FNBP1: variants seen among roughly 807,000 people sequenced by gnomAD.
FNBP1 encodes formin binding protein 1.
Under a neutral mutation model 90.6 loss-of-function variants are expected in FNBP1, and 26 were observed. The ratio of observed to expected loss-of-function variants is 0.29; its 90% confidence interval spans 0.21 to 0.40. The LOEUF (loss-of-function observed/expected upper bound fraction) is 0.40, where lower values mean the gene tolerates loss of function less well. Among genes scored for constraint, FNBP1 ranks in the 10% least tolerant of loss-of-function variants. The pLI, the probability that FNBP1 is intolerant of heterozygous loss-of-function variation, is 1.00. For missense variants in FNBP1, 635 were observed against 768.0 expected, an observed-to-expected ratio of 0.83 and a Z score of 2.05; for synonymous variants, 260 against 265.2, an observed-to-expected ratio of 0.98 and a Z score of 0.19.
intron 12 of FNBP1, among the ~76,000 whole-genome samples, chr9:129,905,404 C>T (rs140712879): frequency 0.023 from 3,510 of 151,500 alleles, 43 homozygotes; most frequent in Non-Finnish European, 0.024. Flanking sequence ...CTCTGCCTCC[C>T]GGGTTCAAGC....
intron 1 of FNBP1, among the ~76,000 whole-genome samples, chr9:130,011,647 C>A (rs754952346): frequency 1.8e-4 from 28 of 152,116 alleles, no homozygotes; most frequent in Non-Finnish European, 2.8e-4. Flanking sequence ...CCTGCTGGCA[C>A]CTTGATCTTG....
At chr9:129,943,816 C>T (rs1050289104) in intron 6 of FNBP1, among the ~76,000 whole-genome samples, 1 of 151,626 alleles carries the variant, frequency 6.6e-6, no homozygotes, top group African/African-American at 2.4e-5. Context: ...GACGGTGAAA[C>T]CCTGTCTCTA....
chr9:129,970,448 C>T (rs1290689230), intron 4 of FNBP1, among the ~76,000 whole-genome samples: 1 of 152,162 alleles, frequency 6.6e-6, no homozygotes, highest in Non-Finnish European at 1.5e-5. Context: ...TCAAGCAATC[C>T]ACCCGCCTTG....
chr9:129,955,380 T>C (rs2046774500), intron 6 of FNBP1, among the ~76,000 whole-genome samples: 1 of 151,822 alleles, frequency 6.6e-6, no homozygotes, highest in Non-Finnish European at 1.5e-5. Context: ...ACCACAGACA[T>C]GGGCTACCAT....
intron 1 of FNBP1, among the ~76,000 whole-genome samples, chr9:130,003,785 T>A (rs1564549702): frequency 5.4e-5 from 8 of 147,084 alleles, no homozygotes; most frequent in Non-Finnish European, 3.0e-5. Flanking sequence ...TAGCTGGGCA[T>A]GGAGGCAGGT....
At position 129,890,600 on chromosome 9, in the gene FNBP1, G is replaced by C. The variant is rs963512015; in HGVS notation, c.1847-54C>G. On this transcript the variant is annotated intron_variant, in intron 16 of 16. Transcript: ENST00000446176. This position sits in a 1 kb window ranked among gnomAD's most constrained non-coding sequence, Gnocchi z 5.8. ...AACTCTCTGTTAGAGAGGAAGGCGC[G>C]GGTTCCAGGCGGGCATTTTGCTCTT... The C allele has an allele frequency of 3.3e-6, 5 of 1,531,234 alleles. No individual in the cohort carries two copies. Among genetic ancestry groups the C allele is most frequent in the Non-Finnish European group, 4.4e-6 (5 of 1,126,936 alleles). The allele number at this position is 1,531,234 out of a possible 1,614,324, so 94.9% of individuals were successfully genotyped here.
intron 13 of FNBP1, among the ~76,000 whole-genome samples, chr9:129,901,162 T>G (rs1471016295): frequency 6.6e-6 from 1 of 152,142 alleles, no homozygotes; most frequent in African/African-American, 2.4e-5. Context: ...TCCCAGCACT[T>G]TGGGAGGCCG....
In FNBP1 at chr9:129,947,984, T is replaced by TA. The variant is rs540379042; in HGVS notation, c.513+9375dup. Reference sequence around the variant, plus strand: ...AATTCTACTAGAATTCCCTTAAATTTAAAAAAAAAAAAAAAAGGAGGGGGG... The same window carrying TA: ...AATTCTACTAGAATTCCCTTAAATTTAAAAAAAAAAAAAAAAAGGAGGGGGG... On this transcript the variant is annotated intron_variant, in intron 6 of 16. Transcript: ENST00000446176. 7.3e-3 allele frequency among the ~76,000 whole-genome samples: 986 copies of TA among 135,024 alleles called. 8 individuals are homozygous for TA. The highest frequency in any genetic ancestry group is 0.022 in the African/African-American group (801 of 36,860). 88.6% of individuals were successfully genotyped at this position (135,024 alleles called of 152,430 possible). A position where few individuals can be genotyped will look rare whatever the true frequency, so the allele number is the denominator to read the frequency against.
At chr9:129,893,585 T>G (rs13295392) in intron 16 of FNBP1, among the ~76,000 whole-genome samples, 18,172 of 105,086 alleles carry the variant, frequency 0.17, 1,664 homozygotes, top group Middle Eastern at 0.36. Context: ...TGCCCTTGAG[T>G]CTAGGTGACA....
chr9:129,964,243 G>A (rs1323272852), intron 4 of FNBP1, among the ~76,000 whole-genome samples: 3 of 152,154 alleles, frequency 2.0e-5, no homozygotes, highest in African/African-American at 7.2e-5. Flanking sequence ...AAGCACTAAA[G>A]AAGGAGGAAT....
At position 129,889,981 on chromosome 9, in the gene FNBP1, G is replaced by T. The variant is rs578255877; in HGVS notation, c.*558C>A. 144 of 239,814 alleles carry T rather than the reference G, an allele frequency of 6.0e-4. No homozygotes were observed. Among genetic ancestry groups the T allele is most frequent in the African/African-American group, 2.7e-3 (123 of 45,520 alleles). 14.9% of individuals were successfully genotyped at this position (239,814 alleles called of 1,614,324 possible). A position where few individuals can be genotyped will look rare whatever the true frequency, so the allele number is the denominator to read the frequency against. Reference sequence around the variant, plus strand: ...TGAAAGGGTCAATGTTTAGTATGAGGTGCAAGCCTAGAATCCAAAAAGGAC... The same window carrying T: ...TGAAAGGGTCAATGTTTAGTATGAGTTGCAAGCCTAGAATCCAAAAAGGAC... On this transcript the variant is annotated 3_prime_UTR_variant, in exon 17 of 17. Coordinates refer to ENST00000446176, the MANE Select transcript of FNBP1 (RefSeq NM_015033.3).
chr9:129,923,855 G>A lies in FNBP1; in HGVS notation c.1159C>T (p.Leu387=). 1 of 1,596,370 alleles carries A rather than the reference G, an allele frequency of 6.3e-7. No individual in the cohort carries two copies. The highest frequency in any genetic ancestry group is 8.5e-7 in the Non-Finnish European group (1 of 1,172,466). ...GGAGCAGAACTTACCCCACGCTTTA[G>A]GCTCCTGAAGCAGTGGATTTTGGGT... ...SKPKIHCFRS[L]KRGLSLKLGA... Residue 387 remains leucine (L), a synonymous_variant, in exon 10 of 17, where the codon CTA becomes TTA. Transcript: ENST00000446176.
Position 129,964,199 on chromosome 9 carries a change from A to C in FNBP1, c.346-5646T>G, listed in dbSNP as rs540409941. On this transcript the variant is annotated intron_variant, in intron 4 of 16. Transcript: ENST00000446176. ...ATGGCCGAACATTTCTTTTCTGGAC[A>C]GTGAGCAAGTGTGTGTCTAAAAAGT... is the stretch of plus-strand genomic sequence containing the variant. Among the ~76,000 whole-genome samples the C allele has an allele frequency of 2.6e-5, 4 of 152,344 alleles. No homozygotes were observed. In the South Asian group the frequency reaches 6.2e-4, roughly 24 times the overall value.
At chr9:130,034,825 G>A (rs942251924) in intron 1 of FNBP1, among the ~76,000 whole-genome samples, 2 of 152,126 alleles carry the variant, frequency 1.3e-5, no homozygotes, top group Non-Finnish European at 2.9e-5. Context: ...TGAGTGGTGG[G>A]GATAAAGGGA....
chr9:129,928,433 C>T (rs1482666257), intron 7 of FNBP1, among the ~76,000 whole-genome samples: 5 of 151,454 alleles, frequency 3.3e-5, no homozygotes, highest in East Asian at 2.0e-4. Flanking sequence ...CCAAGGCGGG[C>T]GGATCACCTG....
the FNBP1 span, among the ~76,000 whole-genome samples, chr9:130,050,086 T>A: frequency 2.6e-5 from 4 of 152,308 alleles, no homozygotes; most frequent in Admixed American, 2.6e-4. Context: ...AAGAACTACT[T>A]CTAATGAAAT....
In FNBP1 at chr9:129,957,522, T is replaced by G; in HGVS notation, c.409-58A>C. On this transcript the variant is annotated intron_variant, in intron 5 of 16. Coordinates refer to ENST00000446176, the MANE Select transcript of FNBP1 (RefSeq NM_015033.3). This position sits in a 1 kb window ranked among gnomAD's most constrained non-coding sequence, Gnocchi z 4.3. ...AAGAGTCCTACGAGAAGATGTAATTTTATCTAAAGCTCCCAAAGAGCATTG... is the reference window on the plus strand; with the variant it reads ...AAGAGTCCTACGAGAAGATGTAATTGTATCTAAAGCTCCCAAAGAGCATTG... 1 of 1,275,800 alleles carries G rather than the reference T, an allele frequency of 7.8e-7. No individual in the cohort carries two copies. The highest frequency in any genetic ancestry group is 1.1e-6 in the Non-Finnish European group (1 of 890,868). The allele number at this position is 1,275,800 out of a possible 1,614,324, so 79.0% of individuals were successfully genotyped here.
chr9:129,986,002 G>T (rs1174419043), intron 2 of FNBP1, among the ~76,000 whole-genome samples: 1 of 150,348 alleles, frequency 6.7e-6, no homozygotes, highest in African/African-American at 2.4e-5. Flanking sequence ...CAGGTGTGGT[G>T]GTGTGTGCCT....
chr9:129,998,988 C>T (rs1183786265), intron 1 of FNBP1, among the ~76,000 whole-genome samples: 1 of 152,184 alleles, frequency 6.6e-6, no homozygotes, highest in Non-Finnish European at 1.5e-5. Flanking sequence ...TCTTTTGATG[C>T]TCTGTGAAAC....
Sources: gnomAD v4.1 joint callset for allele counts (sites outside exome capture counted in the v4.1 genomes callset) on GRCh38, gnomAD v4.1.1 for gene constraint, Gnocchi (gnomAD v3.1) non-coding constraint, MANE v1.5 for transcripts, NCBI Gene and HGNC (gene_info 2026-07-23, HGNC 2026-07-21) for gene names.